PRDM5: variants seen among roughly 807,000 people sequenced by gnomAD.
The protein encoded by PRDM5 is PR/SET domain 5, also known as PR domain zinc finger protein 5.
Under a neutral mutation model 81.2 loss-of-function variants are expected in PRDM5, and 56 were observed. The ratio of observed to expected loss-of-function variants is 0.69; its 90% CI spans 0.56 to 0.86. PRDM5 has a LOEUF of 0.86. Ranked by LOEUF, PRDM5 falls within the 40% of genes least tolerant of loss-of-function variation. The pLI is 0.00. For synonymous variants in PRDM5, 267 were observed against 256.4 expected, an observed-to-expected ratio of 1.04 and a Z score of -0.39; for missense variants, 697 against 770.1, an observed-to-expected ratio of 0.91 and a Z score of 1.12.
At chr4:120,830,396 A>G (rs1756563985) in intron 3 of PRDM5, among the ~76,000 whole-genome samples, 1 of 152,062 alleles carries the variant, frequency 6.6e-6, no homozygotes, top group Admixed American at 6.6e-5. Context: ...CATGTCCCTG[A>G]TAAGGGTTGT....
intron 14 of PRDM5, among the ~76,000 whole-genome samples, chr4:120,748,690 C>A (rs1743515489): frequency 6.6e-6 from 1 of 151,450 alleles, no homozygotes; most frequent in African/African-American, 2.4e-5. Flanking sequence ...CTCCAAATAG[C>A]TCTCTCCTCC....
At chr4:120,857,102 TC>T (rs1759964365) in intron 2 of PRDM5, among the ~76,000 whole-genome samples, 1 of 152,148 alleles carries the variant, frequency 6.6e-6, no homozygotes, top group Non-Finnish European at 1.5e-5. Flanking sequence ...ACACCTGTAA[TC>T]CCAGCACTTC....
chr4:120,885,013 G>A (rs1057282474), intron 2 of PRDM5, among the ~76,000 whole-genome samples: 11 of 151,054 alleles, frequency 7.3e-5, no homozygotes, highest in South Asian at 2.1e-4. Context: ...ACCCAGGCAC[G>A]ATGGTGGGCT....
At position 120,773,447 on chromosome 4, in the gene PRDM5, G is replaced by A. The variant is rs532786050; in HGVS notation, c.1537+3741C>T. ...TATCATCCCCTGAATAAGATAAAAC[G>A]TTCTTCCTCTAAGTAAAGTAAACAT... On this transcript the variant is annotated intron_variant, in intron 13 of 15. Transcript: ENST00000264808. 1.2e-4 allele frequency among the ~76,000 whole-genome samples: 18 copies of A among 152,136 alleles called. No individual in the cohort carries two copies. In the South Asian group the frequency reaches 3.3e-3, roughly 28 times the overall value.
rs577655160 is a variant in PRDM5 at position 120,806,286 on chromosome 4, T to C, written c.945+5084A>G. ...TGGCCATACTGCCCAAGGTAATTTC[T>C]AGATTCAATGCCATCCCTATCAAGC... On this transcript the variant is annotated intron_variant, in intron 8 of 15. Coordinates refer to ENST00000264808, the MANE Select transcript of PRDM5 (RefSeq NM_018699.4). Among the ~76,000 whole-genome samples, 7 of 152,282 alleles carry C rather than the reference T, an allele frequency of 4.6e-5. No individual in the cohort carries two copies. The South Asian group carries it at 8.3e-4, about 18-fold the overall frequency.
intron 1 of PRDM5, among the ~76,000 whole-genome samples, chr4:120,920,891 T>C (rs1400787631): frequency 6.6e-6 from 1 of 152,176 alleles, no homozygotes; most frequent in Non-Finnish European, 1.5e-5. Context: ...TTGGAAGCTG[T>C]TCATTTCATT....
rs59689061 is a variant in PRDM5, at chr4:120,791,137, A to G, written c.1189-6046T>C. 7.5e-3 allele frequency among the ~76,000 whole-genome samples: 1,142 copies of G among 152,278 alleles called. 20 individuals carry two copies. Among genetic ancestry groups the G allele is most frequent in the African/African-American group, 0.026 (1,081 of 41,552 alleles). ...TTTTCAGAAGGCAGTGGGTAGGAGG[A>G]TCTAAACATAAAGTAGACTTCCTAT... On this transcript the variant is annotated intron_variant, in intron 10 of 15. Transcript: ENST00000264808.
chr4:120,699,161 AATATATATATATATATATATAT>A (rs70948358), intron 15 of PRDM5, among the ~76,000 whole-genome samples: 14 of 73,448 alleles, frequency 1.9e-4, no homozygotes, highest in African/African-American at 4.9e-4. Context: ...AGGAAATATA[AATATATATATATATATATATAT>A]ATATATATAT....
intron 9 of PRDM5, 105 bp from the exon 10 acceptor site, chr4:120,798,529 G>A: frequency 9.5e-7 from 1 of 1,052,430 alleles, no homozygotes; most frequent in African/African-American, 1.6e-5. Context: ...GAAAACTAAA[G>A]GATGGTCAAA....
chr4:120,732,463 A>T (rs1465464213), intron 14 of PRDM5, among the ~76,000 whole-genome samples: 1 of 152,204 alleles, frequency 6.6e-6, no homozygotes, highest in Admixed American at 6.5e-5. Context: ...GACAAATTCC[A>T]ATAGTAATAA....
At chr4:120,858,374 G>C (rs996239738) in intron 2 of PRDM5, among the ~76,000 whole-genome samples, 1 of 151,754 alleles carries the variant, frequency 6.6e-6, no homozygotes, top group Non-Finnish European at 1.5e-5. Context: ...GTGTGCTCAA[G>C]TAGTCAATTC....
At chr4:120,873,104 C>T (rs534134969) in intron 2 of PRDM5, among the ~76,000 whole-genome samples, 5 of 152,190 alleles carry the variant, frequency 3.3e-5, no homozygotes, top group Admixed American at 2.6e-4. Flanking sequence ...TGGGTTCAAG[C>T]AATTCTCATG....
Position 120,785,073 on chromosome 4 carries a change from G to T in PRDM5, c.1207C>A (p.Pro403Thr). 5.0e-6 allele frequency: 8 copies of T among 1,611,354 alleles called. No individual in the cohort carries two copies. Among genetic ancestry groups the T allele is most frequent in the Non-Finnish European group, 6.8e-6 (8 of 1,177,816 alleles). ...NHKKTHSEERPFQCEECKALF... is the reference protein window; with the variant it reads ...NHKKTHSEERTFQCEECKALF... Reference sequence around the variant, plus strand: ...GCTTTACATTCTTCACATTGGAACGGTCTCTCCTCAGAGTGGGTCTGCAGA... The same window carrying T: ...GCTTTACATTCTTCACATTGGAACGTTCTCTCCTCAGAGTGGGTCTGCAGA... Residue 403 changes from proline to threonine, a missense_variant, in exon 11 of 16, where the codon CCG becomes ACG. By Grantham distance (38) the Pro-to-Thr change is conservative. Coordinates refer to ENST00000264808, the MANE Select transcript of PRDM5 (RefSeq NM_018699.4).
rs182855571 is a variant in PRDM5 at position 120,892,463 on chromosome 4, T to C, written c.177+15011A>G. 2.9e-4 allele frequency among the ~76,000 whole-genome samples: 44 copies of C among 152,300 alleles called. 1 individual carries two copies. The highest frequency in any genetic ancestry group is 7.8e-4 in the Admixed American group (12 of 15,292). On this transcript the variant is annotated intron_variant, in intron 2 of 15. Transcript: ENST00000264808. Reference sequence around the variant, plus strand: ...TTATCTAAGTCTCTTTGTAGATCTATAAGAACTCATTTTATGAATCTGGAT... The same window carrying C: ...TTATCTAAGTCTCTTTGTAGATCTACAAGAACTCATTTTATGAATCTGGAT...
At chr4:120,868,565 A>G (rs1027490790) in intron 2 of PRDM5, among the ~76,000 whole-genome samples, 23 of 152,146 alleles carry the variant, frequency 1.5e-4, no homozygotes, top group African/African-American at 5.5e-4. Flanking sequence ...TTTCCTCCAG[A>G]GAGATGATAC....
Position 120,777,194 on chromosome 4 carries a change from G to C in PRDM5, c.1531C>G (p.His511Asp). 6.2e-7 allele frequency: 1 copy of C among 1,613,314 alleles called. No individual in the cohort carries two copies. The highest frequency in any genetic ancestry group is 1.3e-5 in the African/African-American group (1 of 74,956). The change falls in exon 13 of 16, where the codon CAC becomes GAC. Residue 511 changes from histidine (H) to aspartate (D), a missense_variant. His to Asp is a moderately conservative substitution (Grantham distance 81). Coordinates refer to ENST00000264808, the MANE Select transcript of PRDM5 (RefSeq NM_018699.4). ...CTAATTACAATCTCCATACCTGTGT[G>C]GCTCCGGATATGAACTCTGAGTGTA... ...SGTLRVHIRS[H>D]TGERPYQCPY...
intron 3 of PRDM5, among the ~76,000 whole-genome samples, chr4:120,827,555 T>C (rs1295939577): frequency 6.6e-6 from 1 of 152,144 alleles, no homozygotes. Context: ...ATTTGGACTT[T>C]CACAAATTTT....
intron 14 of PRDM5, among the ~76,000 whole-genome samples, chr4:120,718,881 T>C (rs866227594): frequency 3.2e-4 from 49 of 152,212 alleles, no homozygotes; most frequent in African/African-American, 1.1e-3. Flanking sequence ...TTTTAAAAGA[T>C]GTGGGGCAGG....
chr4:120,885,027 C>T (rs1239234090), intron 2 of PRDM5, among the ~76,000 whole-genome samples: 6 of 148,560 alleles, frequency 4.0e-5, no homozygotes, highest in African/African-American at 1.0e-4. Flanking sequence ...GTGGGCTACT[C>T]GAGAGGCTGA....
Sources: gnomAD v4.1 joint callset for allele counts (sites outside exome capture counted in the v4.1 genomes callset) on GRCh38, gnomAD v4.1.1 for gene constraint, MANE v1.5 for transcripts, NCBI Gene and HGNC (gene_info 2026-07-23, HGNC 2026-07-21) for gene names.